The following CEP112 variants were observed in gnomAD, a reference collection of about 807,000 sequenced individuals.
CEP112 encodes centrosomal protein 112.
Under a neutral mutation model 153.0 loss-of-function variants are expected in CEP112, and 127 were observed. The observed-to-expected ratio is 0.83, with a 90% confidence interval of 0.72 to 0.96. CEP112 has a LOEUF of 0.96. Among genes scored for constraint, CEP112 ranks in the 40% least tolerant of loss-of-function variants. The probability of loss-of-function intolerance (pLI) is 0.00; values close to 1 mark genes in which losing one functional copy is unlikely to be tolerated. For synonymous variants in CEP112, 358 were observed against 374.4 expected (o/e 0.96, Z 0.51); for missense variants, 1,089 against 1,101.2 (o/e 0.99, Z 0.16).
intron 18 of CEP112, among the ~76,000 whole-genome samples, chr17:65,945,012 T>C (rs2061607801): frequency 2.6e-5 from 4 of 152,232 alleles, no homozygotes; most frequent in Non-Finnish European, 2.9e-5. Context: ...AATACCTCCA[T>C]GTAACTAGCA....
intron 24 of CEP112, among the ~76,000 whole-genome samples, chr17:65,664,353 A>G (rs2046573602): frequency 6.6e-6 from 1 of 152,224 alleles, no homozygotes; most frequent in African/African-American, 2.4e-5. Context: ...GAATGCTTAG[A>G]AATAATATTG....
At chr17:65,684,131 G>T (rs1483395101) in intron 24 of CEP112, among the ~76,000 whole-genome samples, 1 of 152,116 alleles carries the variant, frequency 6.6e-6, no homozygotes, top group Non-Finnish European at 1.5e-5. Context: ...CTATCAGACT[G>T]TAAACTCCTT....
chr17:65,971,418 A>ACATATATTGGATGCATGTGATGTATGCG (rs1394902863), intron 17 of CEP112, among the ~76,000 whole-genome samples: 2 of 152,150 alleles, frequency 1.3e-5, no homozygotes, highest in African/African-American at 2.4e-5. Context: ...CCCATGCAGC[A>ACATATATTGGATGCATGTGATGTATGCG]TGCTGCATGC....
Position 66,069,937 on chromosome 17 carries a change from T to C in CEP112, c.833A>G (p.Lys278Arg). ...FHEEKLKLQQ[K>R]HDADVQKILE... ...TACCTTCTGAACATCAGCATCATGT[T>C]TCTGTTGCAGTTTAAGCTTTTCTTC... The change falls in exon 9 of 27, where the codon AAA (lysine) becomes AGA (arginine). Residue 278 changes from lysine to arginine, a missense_variant. Physicochemically the swap from Lys to Arg is conservative, Grantham distance 26 (BLOSUM62 2). Transcript: ENST00000535342. The C allele has an allele frequency of 1.9e-6, 3 of 1,601,844 alleles. No individual in the cohort carries two copies. The highest frequency in any genetic ancestry group is 2.6e-6 in the Non-Finnish European group (3 of 1,170,826).
intron 20 of CEP112, among the ~76,000 whole-genome samples, chr17:65,865,027 A>G (rs1285604225): frequency 1.3e-5 from 2 of 150,300 alleles, no homozygotes; most frequent in African/African-American, 4.9e-5. Flanking sequence ...TACAGGAAAG[A>G]CTGTTTTTTT....
At chr17:65,905,944 C>CAA (rs773446028) in intron 19 of CEP112, among the ~76,000 whole-genome samples, 1 of 134,958 alleles carries the variant, frequency 7.4e-6, no homozygotes, top group Non-Finnish European at 1.6e-5. Context: ...GACTCCGTCT[C>CAA]AAAAAAAAAA....
Position 66,061,120 on chromosome 17 carries a change from G to A in CEP112, c.1074+1843C>T, listed in dbSNP as rs531468987. The stretch of plus-strand genomic sequence containing the variant: ...TAACCTAATGACTTATTTAGGCCAA[G>A]GACCTAAATAGACATTTCTCAAAAG... On this transcript the variant is annotated intron_variant, in intron 11 of 26. Coordinates refer to ENST00000535342, the MANE Select transcript of CEP112 (RefSeq NM_001199165.4). Among the ~76,000 whole-genome samples, 5 of 152,076 alleles carry A rather than the reference G, an allele frequency of 3.3e-5. No homozygotes were observed. In the East Asian group the frequency reaches 9.7e-4, roughly 29 times the overall value.
chr17:66,113,686 A>C (rs1347852779), intron 6 of CEP112, among the ~76,000 whole-genome samples: 1 of 152,212 alleles, frequency 6.6e-6, no homozygotes, highest in Non-Finnish European at 1.5e-5. Flanking sequence ...AAATAAATAG[A>C]AAATGTCTAT....
At chr17:65,992,227 A>C (rs2063620519) in intron 17 of CEP112, among the ~76,000 whole-genome samples, 1 of 152,278 alleles carries the variant, frequency 6.6e-6, no homozygotes, top group Admixed American at 6.5e-5. Flanking sequence ...AATATTATAA[A>C]TGTTGATTTA....
chr17:65,937,476 A>G (rs1311688861), intron 18 of CEP112, among the ~76,000 whole-genome samples: 5 of 112,824 alleles, frequency 4.4e-5, no homozygotes, highest in African/African-American at 9.0e-5. Context: ...GCCCCGTCTG[A>G]GAAGTGAGGA....
chr17:65,724,002 C>T (rs1011079128), intron 23 of CEP112, among the ~76,000 whole-genome samples: 2 of 152,258 alleles, frequency 1.3e-5, no homozygotes, highest in South Asian at 4.1e-4. Flanking sequence ...TATGAAGAAT[C>T]CTACAGCAAG....
chr17:66,171,364 TA>T (rs1173724518), intron 4 of CEP112, among the ~76,000 whole-genome samples: 1 of 152,200 alleles, frequency 6.6e-6, no homozygotes, highest in Non-Finnish European at 1.5e-5. Flanking sequence ...GAAGTGGCTG[TA>T]AAATTTATGA....
At chr17:65,859,176 G>A (rs1012353486) in intron 20 of CEP112, among the ~76,000 whole-genome samples, 3 of 152,098 alleles carry the variant, frequency 2.0e-5, no homozygotes, top group African/African-American at 7.2e-5. Flanking sequence ...AGGTGCGGTG[G>A]CTTATGCCTG....
chr17:65,766,810 G>A (rs992988729), intron 21 of CEP112, among the ~76,000 whole-genome samples: 1 of 150,518 alleles, frequency 6.6e-6, no homozygotes, highest in African/African-American at 2.5e-5. Context: ...ATGATAAAGA[G>A]GGCATTCATC....
At chr17:66,013,081 G>T (rs1335443111) in intron 16 of CEP112, among the ~76,000 whole-genome samples, 2 of 151,804 alleles carry the variant, frequency 1.3e-5, no homozygotes, top group Non-Finnish European at 2.9e-5. Flanking sequence ...GGTAAGTTTG[G>T]TTCTTCGTTA....
chr17:66,104,118 T>C (rs1201821443), intron 6 of CEP112, among the ~76,000 whole-genome samples: 1 of 152,156 alleles, frequency 6.6e-6, no homozygotes, highest in Non-Finnish European at 1.5e-5. Context: ...GCCAGTGGGC[T>C]TGGGGGTGCA....
chr17:65,832,344 G>A (rs902674090), intron 21 of CEP112, among the ~76,000 whole-genome samples: 8 of 150,466 alleles, frequency 5.3e-5, no homozygotes, highest in South Asian at 2.1e-4. Context: ...TAACCAAAAC[G>A]AGAGCTGAAA....
chr17:66,074,726 G>A (rs946664829), intron 8 of CEP112, among the ~76,000 whole-genome samples: 1 of 151,994 alleles, frequency 6.6e-6, no homozygotes, highest in Non-Finnish European at 1.5e-5. Flanking sequence ...AGCTGGGCGT[G>A]GTGGCACGTG....
intron 20 of CEP112, among the ~76,000 whole-genome samples, chr17:65,881,180 G>A (rs2059057028): frequency 6.6e-6 from 1 of 152,116 alleles, no homozygotes. Flanking sequence ...TAGCGCCACT[G>A]CACTCCAGCC....
Sources: gnomAD v4.1 joint callset for allele counts (sites outside exome capture counted in the v4.1 genomes callset) on GRCh38, gnomAD v4.1.1 for gene constraint, MANE v1.5 for transcripts, NCBI Gene and HGNC (gene_info 2026-07-23, HGNC 2026-07-21) for gene names.